Variants in PRKG1 observed in about 807,000 individuals in gnomAD.
The protein encoded by PRKG1 is protein kinase cGMP-dependent 1.
In PRKG1, 35 loss-of-function variants were observed where a neutral mutation model predicts 88.1. The ratio of observed to expected loss-of-function variants is 0.40; its 90% CI spans 0.30 to 0.53. The LOEUF (loss-of-function observed/expected upper bound fraction) is 0.53, where lower values mean the gene tolerates loss of function less well. Among genes scored for constraint, PRKG1 ranks in the 20% least tolerant of loss-of-function variants. PRKG1 has a pLI of 0.59. For synonymous variants in PRKG1, 303 were observed against 292.5 expected, an observed-to-expected ratio of 1.04 and a Z score of -0.37; for missense variants, 540 against 839.8, an observed-to-expected ratio of 0.64 and a Z score of 4.41.
At chr10:52,194,782 C>T (rs1358843258) in intron 9 of PRKG1, among the ~76,000 whole-genome samples, 2 of 152,026 alleles carry the variant, frequency 1.3e-5, no homozygotes, top group Non-Finnish European at 2.9e-5. Flanking sequence ...CAATAAAAAG[C>T]TATATCCAGG....
At chr10:51,698,764 A>C in intron 3 of PRKG1, 2 of 1,614,200 alleles carry the variant, frequency 1.2e-6, no homozygotes, top group African/African-American at 2.7e-5. Context: ...CTGGAGCTGG[A>C]ATTCCACCCT....
intron 2 of PRKG1, among the ~76,000 whole-genome samples, chr10:51,429,020 A>T (rs900628574): frequency 1.3e-5 from 2 of 152,186 alleles, no homozygotes; most frequent in African/African-American, 2.4e-5. Context: ...CTATCTATAC[A>T]TCCCTTGCTG....
intron 3 of PRKG1, among the ~76,000 whole-genome samples, chr10:51,561,672 G>A (rs1424039565): frequency 2.0e-5 from 3 of 152,036 alleles, no homozygotes; most frequent in African/African-American, 7.2e-5. Flanking sequence ...AAGTGGAGAA[G>A]GGGAGGAAGA....
intron 4 of PRKG1, among the ~76,000 whole-genome samples, chr10:51,896,903 T>C (rs1268828287): frequency 1.3e-5 from 2 of 152,102 alleles, no homozygotes; most frequent in East Asian, 1.9e-4. Flanking sequence ...TATGTGAAAA[T>C]AAATTTGAAT....
intron 3 of PRKG1, among the ~76,000 whole-genome samples, chr10:51,630,206 C>T (rs1211420240): frequency 2.0e-5 from 3 of 152,134 alleles, no homozygotes; most frequent in African/African-American, 4.8e-5. Context: ...CATCTCACTT[C>T]GGTGTATGAG....
At chr10:51,541,610 T>C (rs1028102369) in intron 3 of PRKG1, among the ~76,000 whole-genome samples, 1 of 152,226 alleles carries the variant, frequency 6.6e-6, no homozygotes, top group Non-Finnish European at 1.5e-5. Context: ...CAGTGAAGTT[T>C]ATCACTTAGT....
chr10:51,866,135 C>T (rs949805675), intron 4 of PRKG1, among the ~76,000 whole-genome samples: 10 of 151,678 alleles, frequency 6.6e-5, no homozygotes, highest in African/African-American at 1.2e-4. Context: ...AAAACATCAT[C>T]GCTTATTTTT....
intron 3 of PRKG1, among the ~76,000 whole-genome samples, chr10:51,509,670 A>G (rs1242428782): frequency 6.6e-6 from 1 of 152,158 alleles, no homozygotes; most frequent in Non-Finnish European, 1.5e-5. Context: ...CCTAGCCAGC[A>G]GTAATATCTT....
At chr10:52,089,123 G>A (rs1287100545) in intron 7 of PRKG1, among the ~76,000 whole-genome samples, 2 of 152,042 alleles carry the variant, frequency 1.3e-5, no homozygotes, top group African/African-American at 2.4e-5. Flanking sequence ...TAAATATCTG[G>A]CCATTTAATT....
chr10:51,122,836 G>C (rs9415725), intron 1 of PRKG1, among the ~76,000 whole-genome samples: 121,177 of 152,034 alleles, frequency 0.8, 48,861 homozygotes, highest in South Asian at 0.88. Flanking sequence ...GACCAGATCT[G>C]TCTCTCTCAC....
intron 2 of PRKG1, among the ~76,000 whole-genome samples, chr10:51,270,521 A>G (rs948446657): frequency 2.0e-5 from 3 of 152,128 alleles, no homozygotes; most frequent in Non-Finnish European, 4.4e-5. Flanking sequence ...CATGAATTGG[A>G]GGGATTTAAT....
chr10:51,881,384 G>A (rs1841434521), intron 4 of PRKG1, among the ~76,000 whole-genome samples: 1 of 152,122 alleles, frequency 6.6e-6, no homozygotes, highest in African/African-American at 2.4e-5. Flanking sequence ...ATGTCAGCTG[G>A]GTCACTAAGC....
intron 4 of PRKG1, among the ~76,000 whole-genome samples, chr10:51,870,961 C>G (rs539282815): frequency 6.6e-6 from 1 of 152,270 alleles, no homozygotes; most frequent in Non-Finnish European, 1.5e-5. Context: ...TACCCCACCC[C>G]CTAGGCAAGC....
intron 3 of PRKG1, among the ~76,000 whole-genome samples, chr10:51,658,900 T>C (rs1274410234): frequency 1.3e-5 from 2 of 152,100 alleles, no homozygotes; most frequent in African/African-American, 4.8e-5. Flanking sequence ...TTTGCCCAAA[T>C]CCTTTCTACT....
At chr10:52,225,253 CAT>C (rs1295804538) in intron 9 of PRKG1, among the ~76,000 whole-genome samples, 56 of 152,014 alleles carry the variant, frequency 3.7e-4, no homozygotes, top group Non-Finnish European at 1.0e-4. Flanking sequence ...AGTATGTTTT[CAT>C]ATGTTTGTTG....
intron 2 of PRKG1, among the ~76,000 whole-genome samples, chr10:51,394,705 G>C (rs1324583963): frequency 6.6e-6 from 1 of 152,146 alleles, no homozygotes; most frequent in Non-Finnish European, 1.5e-5. Flanking sequence ...TGCTTTACTT[G>C]TATCAATTAA....
intron 5 of PRKG1, among the ~76,000 whole-genome samples, chr10:52,042,145 C>G (rs112357026): frequency 3.3e-5 from 5 of 152,220 alleles, no homozygotes; most frequent in African/African-American, 1.2e-4. Context: ...AAATGCCCAT[C>G]TACCCAAAGT....
In PRKG1 at chr10:50,991,319, C is replaced by CGCG. The variant is rs1842778920; in HGVS notation, c.-58_-57insGGC. On this transcript the variant is annotated 5_prime_UTR_variant, in exon 1 of 18. Transcript: ENST00000401604. This position sits in a 1 kb window ranked among gnomAD's most constrained non-coding sequence, Gnocchi z 4.5. ...TGCCGGCTGCCGTCCCAGCCGCCGCCGCCGCCGCCGCCGCCGCCGCCGCCC... is the reference window on the plus strand; with the variant it reads ...TGCCGGCTGCCGTCCCAGCCGCCGCCGCGGCCGCCGCCGCCGCCGCCGCCGCCC... 2 of 863,468 alleles carry CGCG rather than the reference C, an allele frequency of 2.3e-6. No homozygotes were observed. Among genetic ancestry groups the CGCG allele is most frequent in the Non-Finnish European group, 3.1e-6 (2 of 639,400 alleles). 53.5% of individuals were successfully genotyped at this position (863,468 alleles called of 1,614,324 possible).
At chr10:51,084,793 C>A (rs1844207817) in intron 1 of PRKG1, among the ~76,000 whole-genome samples, 1 of 152,126 alleles carries the variant, frequency 6.6e-6, no homozygotes, top group South Asian at 2.1e-4. Context: ...ATAGTATCAT[C>A]CAGTCAGTTT....
Sources: allele counts gnomAD v4.1 joint callset (sites outside exome capture counted in the v4.1 genomes callset), GRCh38; gene constraint gnomAD v4.1.1; non-coding constraint Gnocchi (gnomAD v3.1); transcripts MANE v1.5; gene names NCBI Gene and HGNC (gene_info 2026-07-23, HGNC 2026-07-21).